SMURF1: variants seen among roughly 807,000 people sequenced by gnomAD.
SMURF1 encodes SMAD specific E3 ubiquitin protein ligase 1.
A neutral mutation model predicts 98.0 loss-of-function variants in SMURF1; 44 were observed. The observed-to-expected ratio is 0.45, with a 90% CI of 0.35 to 0.58. The LOEUF is 0.58. SMURF1 is among the 20% of genes least tolerant of loss of function. The pLI is 0.00. For synonymous variants in SMURF1, 396 were observed against 374.9 expected (o/e 1.06, Z -0.65); for missense variants, 687 against 938.4 (o/e 0.73, Z 3.50).
intron 1 of SMURF1, among the ~76,000 whole-genome samples, chr7:99,102,306 G>A (rs1490996099): frequency 1.3e-5 from 2 of 152,162 alleles, no homozygotes; most frequent in Admixed American, 1.3e-4. Flanking sequence ...AGTTTTGAAA[G>A]AGAATTTATC....
intron 6 of SMURF1, among the ~76,000 whole-genome samples, chr7:99,054,557 C>T (rs933575544): frequency 9.2e-5 from 14 of 151,980 alleles, no homozygotes; most frequent in Non-Finnish European, 1.9e-4. Flanking sequence ...CCACCTGCCT[C>T]GGCCTCCCAA....
At chr7:99,132,846 CAGAG>C (rs1797903073) in intron 1 of SMURF1, among the ~76,000 whole-genome samples, 1 of 152,064 alleles carries the variant, frequency 6.6e-6, no homozygotes, top group Admixed American at 6.6e-5. Context: ...GGCAGGATCA[CAGAG>C]GGAGTTTGAT....
At chr7:99,063,246 TATATATATATATATA>T (rs1796088391) in intron 1 of SMURF1, among the ~76,000 whole-genome samples, 1 of 2,842 alleles carries the variant, frequency 3.5e-4, no homozygotes, top group African/African-American at 6.1e-4. Context: ...TTTATTTATA[TATATATATATATATA>T]TATATATATA....
At chr7:99,038,752 G>A (rs534458499) in intron 13 of SMURF1, among the ~76,000 whole-genome samples, 53 of 152,266 alleles carry the variant, frequency 3.5e-4, no homozygotes, top group African/African-American at 1.3e-3. Context: ...GTCATAGAAG[G>A]CGGGCAGCAG....
Position 99,047,667 on chromosome 7 carries a change from G to A in SMURF1, c.1152+17C>T. ...TGTTTCTGAACAGGGTCTGGGCAGT[G>A]GCCCTGAACTCTCTACCTCAAAGAT... On this transcript the variant is annotated intron_variant, in intron 10 of 17. Transcript: ENST00000361368. The A allele has an allele frequency of 6.2e-7, 1 of 1,613,412 alleles. No individual in the cohort carries two copies. Among genetic ancestry groups the A allele is most frequent in the Non-Finnish European group, 8.5e-7 (1 of 1,179,306 alleles).
intron 11 of SMURF1, chr7:99,045,414 G>T: frequency 2.3e-6 from 1 of 429,996 alleles, no homozygotes; most frequent in Non-Finnish European, 4.1e-6. Context: ...TCAAAAGAAG[G>T]GAGTGAATTT....
intron 12 of SMURF1, among the ~76,000 whole-genome samples, chr7:99,041,602 C>T (rs146142558): frequency 4.6e-5 from 7 of 152,336 alleles, no homozygotes; most frequent in African/African-American, 1.2e-4. Context: ...CTGTGCAGGA[C>T]GCTGGTGAAG....
In SMURF1 at chr7:99,063,271, A is replaced by T. The variant is rs1292704682; in HGVS notation, c.56-1434T>A. On this transcript the variant is annotated intron_variant, in intron 1 of 17. Transcript: ENST00000361368. ...TATATATATATATATATATATATAT[A>T]TATATATATATATATATATATATAT... Among the ~76,000 whole-genome samples, 31 of 11,578 alleles carry T rather than the reference A, an allele frequency of 2.7e-3. 1 individual carries two copies. The highest frequency in any genetic ancestry group is 6.8e-3 in the Non-Finnish European group (27 of 3,984). 7.6% of individuals were successfully genotyped at this position (11,578 alleles called of 152,430 possible).
rs911313879 is a variant in SMURF1, at chr7:99,120,243, C to T, written c.55+23483G>A. On this transcript the variant is annotated intron_variant, in intron 1 of 17. Coordinates refer to ENST00000361368, the MANE Select transcript of SMURF1 (RefSeq NM_181349.3). ...CATGCTTTGTGTACAGCCTGCAGGA[C>T]CGTGAGCCAATCAAACCTCTTTTCT... Among the ~76,000 whole-genome samples, 7 of 152,286 alleles carry T rather than the reference C, an allele frequency of 4.6e-5. No individual in the cohort carries two copies. The East Asian group carries it at 1.4e-3, about 29-fold the overall frequency.
intron 1 of SMURF1, among the ~76,000 whole-genome samples, chr7:99,095,609 C>T (rs1179375725): frequency 1.3e-5 from 2 of 152,312 alleles, no homozygotes; most frequent in East Asian, 3.9e-4. Flanking sequence ...CATAAATTTT[C>T]CATCACAGCA....
intron 1 of SMURF1, among the ~76,000 whole-genome samples, chr7:99,105,906 C>G (rs971487906): frequency 2.0e-5 from 3 of 152,230 alleles, no homozygotes; most frequent in Non-Finnish European, 4.4e-5. Flanking sequence ...TATTCTACTT[C>G]CAAGCCTTTG....
chr7:99,136,460 GT>G (rs138475843), intron 1 of SMURF1, among the ~76,000 whole-genome samples: 1 of 152,076 alleles, frequency 6.6e-6, no homozygotes, highest in African/African-American at 2.4e-5. Context: ...TCCAGCTAAA[GT>G]TTTTTATTGT....
At chr7:99,083,948 T>C (rs1241737041) in intron 1 of SMURF1, among the ~76,000 whole-genome samples, 1 of 152,262 alleles carries the variant, frequency 6.6e-6, no homozygotes. Flanking sequence ...TTGATCGATA[T>C]TTGCTGATGA....
At chr7:99,084,773 G>A (rs2150571976) in intron 1 of SMURF1, among the ~76,000 whole-genome samples, 1 of 152,216 alleles carries the variant, frequency 6.6e-6, no homozygotes, top group East Asian at 1.9e-4. Context: ...CAAATGCACA[G>A]CTACCCTTAC....
chr7:99,029,553 G>C lies in SMURF1; in HGVS notation c.*1031C>G, dbSNP rs1346634188. The C allele has an allele frequency of 6.6e-6, 1 of 152,178 alleles. No homozygotes were observed. The highest frequency in any genetic ancestry group is 2.4e-5 in the African/African-American group (1 of 41,436). The allele number at this position is 152,178 out of a possible 1,614,324, so 9.4% of individuals were successfully genotyped here. A position where few individuals can be genotyped will look rare whatever the true frequency, so the allele number is the denominator to read the frequency against. The stretch of plus-strand genomic sequence containing the variant: ...TCCACACCCTACTTTTTGTAGAACA[G>C]TATCTTTGGGTGGATTTACATCATC... On this transcript the variant is annotated 3_prime_UTR_variant, in exon 18 of 18. Coordinates refer to ENST00000361368, the MANE Select transcript of SMURF1 (RefSeq NM_181349.3).
chr7:99,052,303 T>A lies in SMURF1; in HGVS notation c.623A>T (p.Gln208Leu). The A allele has an allele frequency of 6.2e-7, 1 of 1,613,084 alleles. No individual in the cohort carries two copies. The highest frequency in any genetic ancestry group is 8.5e-7 in the Non-Finnish European group (1 of 1,179,586). The change falls in exon 7 of 18, where the codon CAG becomes CTG. Residue 208 changes from glutamine (Q) to leucine (L), a missense_variant. Physicochemically the swap from Gln to Leu is moderately radical, Grantham distance 113 (BLOSUM62 -2). This residue lies in a region of SMURF1 where 415 missense variants were observed against 508.4 expected (regional missense o/e 0.82). Transcript: ENST00000361368. The part of the protein sequence containing the change: ...VESPSQDQRL[Q>L]AQRLRNPDVR... ...ATCAGGGTTTCGAAGCCGCTGTGCCTGAAGTCTTTGATCTTGACTTGGGGA... is the reference window on the plus strand; with the variant it reads ...ATCAGGGTTTCGAAGCCGCTGTGCCAGAAGTCTTTGATCTTGACTTGGGGA...
At chr7:99,111,933 T>A (rs1225876804) in intron 1 of SMURF1, among the ~76,000 whole-genome samples, 1 of 151,662 alleles carries the variant, frequency 6.6e-6, no homozygotes, top group Non-Finnish European at 1.5e-5. Context: ...AGTGTGGGAG[T>A]GGTAGAGGTC....
At chr7:99,122,745 C>CTTT (rs373204946) in intron 1 of SMURF1, among the ~76,000 whole-genome samples, 27 of 112,402 alleles carry the variant, frequency 2.4e-4, no homozygotes, top group African/African-American at 9.5e-4. Flanking sequence ...TTCTTTCTTT[C>CTTT]TTTTTTTTTT....
In SMURF1 at chr7:99,030,513, G is replaced by A. The variant is rs1158199115; in HGVS notation, c.*71C>T. 1.7e-5 allele frequency: 22 copies of A among 1,270,088 alleles called. No individual in the cohort carries two copies. The highest frequency in any genetic ancestry group is 2.3e-5 in the East Asian group (1 of 43,154). 78.7% of individuals were successfully genotyped at this position (1,270,088 alleles called of 1,614,324 possible). A position where few individuals can be genotyped will look rare whatever the true frequency, so the allele number is the denominator to read the frequency against. On this transcript the variant is annotated 3_prime_UTR_variant, in exon 18 of 18. Coordinates refer to ENST00000361368, the MANE Select transcript of SMURF1 (RefSeq NM_181349.3). Reference sequence around the variant, plus strand: ...TTCCAGGGCCTCTGCCAGCTTTGCAGGAGGTGCACAGAAGCTGGATGCTTT... The same window carrying A: ...TTCCAGGGCCTCTGCCAGCTTTGCAAGAGGTGCACAGAAGCTGGATGCTTT...
Sources: allele counts gnomAD v4.1 joint callset (sites outside exome capture counted in the v4.1 genomes callset), GRCh38; gene constraint gnomAD v4.1.1; regional missense constraint gnomAD v4.1.1; transcripts MANE v1.5; gene names NCBI Gene and HGNC (gene_info 2026-07-23, HGNC 2026-07-21).